The following ADGRL2 variants were observed in gnomAD, a reference collection of about 807,000 sequenced individuals.
ADGRL2 encodes the protein calcium-independent alpha-latrotoxin receptor 2.
A neutral mutation model predicts 157.4 loss-of-function variants in ADGRL2; 44 were observed. The ratio of observed to expected loss-of-function variants is 0.28; its 90% CI spans 0.22 to 0.36. The LOEUF (loss-of-function observed/expected upper bound fraction) is 0.36, where lower values mean the gene tolerates loss of function less well. Among genes scored for constraint, ADGRL2 ranks in the 10% least tolerant of loss-of-function variants. The probability of loss-of-function intolerance (pLI) is 1.00; values close to 1 mark genes in which losing one functional copy is unlikely to be tolerated. For synonymous variants in ADGRL2, 585 were observed against 624.7 expected, an observed-to-expected ratio of 0.94 and a Z score of 0.95; for missense variants, 1,510 against 1,768.9, an observed-to-expected ratio of 0.85 and a Z score of 2.63.
At chr1:81,891,768 C>T (rs999054658) in intron 2 of ADGRL2, among the ~76,000 whole-genome samples, 1 of 151,880 alleles carries the variant, frequency 6.6e-6, no homozygotes, top group African/African-American at 2.4e-5. Context: ...TGAGGTAGAT[C>T]GATTTATCTG....
chr1:81,913,505 C>T (rs905716911), intron 3 of ADGRL2, among the ~76,000 whole-genome samples: 36 of 152,072 alleles, frequency 2.4e-4, no homozygotes, highest in African/African-American at 7.2e-4. Flanking sequence ...ATTCTTGCCA[C>T]GAGGCAAGCC....
At chr1:81,911,330 TA>T (rs2094717183) in intron 3 of ADGRL2, among the ~76,000 whole-genome samples, 1 of 152,224 alleles carries the variant, frequency 6.6e-6, no homozygotes, top group East Asian at 1.9e-4. Context: ...GGGGGCAACT[TA>T]AAAATATATA....
intron 3 of ADGRL2, among the ~76,000 whole-genome samples, chr1:81,601,432 T>C (rs1360594599): frequency 6.6e-6 from 1 of 152,168 alleles, no homozygotes; most frequent in Non-Finnish European, 1.5e-5. Context: ...ATCTTATCAA[T>C]TTGGTGTATG....
intron 11 of ADGRL2, among the ~76,000 whole-genome samples, chr1:81,957,418 G>A (rs573703655): frequency 2.6e-5 from 4 of 152,168 alleles, no homozygotes; most frequent in East Asian, 1.9e-4. Context: ...ATTATTTTTC[G>A]CTGGGCACAG....
At chr1:81,871,737 T>G (rs1304941730) in intron 2 of ADGRL2, among the ~76,000 whole-genome samples, 44 of 152,222 alleles carry the variant, frequency 2.9e-4, no homozygotes, top group Admixed American at 2.9e-3. Context: ...TGTCTTCTTT[T>G]GAGAAGTGTC....
intron 6 of ADGRL2, among the ~76,000 whole-genome samples, chr1:81,948,121 G>A (rs907019797): frequency 1.7e-4 from 26 of 151,992 alleles, no homozygotes; most frequent in Admixed American, 1.3e-3. Context: ...GGAAGCTGAA[G>A]CAGGAGAATG....
intron 2 of ADGRL2, among the ~76,000 whole-genome samples, chr1:81,580,355 C>CG (rs752523964): frequency 6.6e-6 from 1 of 151,798 alleles, no homozygotes; most frequent in Non-Finnish European, 1.5e-5. Context: ...AACTGTGTCT[C>CG]GGGGGCTGCC....
intron 2 of ADGRL2, among the ~76,000 whole-genome samples, chr1:81,464,908 G>C (rs1191882924): frequency 7.0e-6 from 1 of 143,086 alleles, no homozygotes; most frequent in African/African-American, 2.6e-5. Context: ...GTAGTCTTCA[G>C]AGAATGACAA....
chr1:81,337,341 G>C (rs919808403), intron 1 of ADGRL2, among the ~76,000 whole-genome samples: 1 of 142,004 alleles, frequency 7.0e-6, no homozygotes, highest in Admixed American at 7.0e-5. Context: ...CAGGGGTTGT[G>C]GGTATCCCCC....
chr1:81,876,691 T>A (rs1222320036), intron 2 of ADGRL2, among the ~76,000 whole-genome samples: 15 of 152,150 alleles, frequency 9.9e-5, no homozygotes, highest in Non-Finnish European at 2.1e-4. Flanking sequence ...AGGGATCAGA[T>A]GCACAGTAGT....
At chr1:81,674,050 A>G (rs2082933287) in intron 3 of ADGRL2, among the ~76,000 whole-genome samples, 1 of 152,158 alleles carries the variant, frequency 6.6e-6, no homozygotes, top group Non-Finnish European at 1.5e-5. Context: ...AAAATTTAAC[A>G]CTTGAATGCA....
chr1:81,322,349 C>A (rs887515138), intron 1 of ADGRL2, among the ~76,000 whole-genome samples: 2 of 151,526 alleles, frequency 1.3e-5, no homozygotes, highest in Non-Finnish European at 2.9e-5. Flanking sequence ...TGAAACAAAC[C>A]TTAAAAAGAT....
intron 1 of ADGRL2, among the ~76,000 whole-genome samples, chr1:81,383,095 A>G (rs2076371130): frequency 6.6e-6 from 1 of 152,174 alleles, no homozygotes; most frequent in African/African-American, 2.4e-5. Flanking sequence ...GTTCTCATAC[A>G]CACATCGTGT....
chr1:81,542,232 G>A (rs892808176), intron 2 of ADGRL2, among the ~76,000 whole-genome samples: 1 of 152,168 alleles, frequency 6.6e-6, no homozygotes, highest in Admixed American at 6.5e-5. Flanking sequence ...GGATGGTAAC[G>A]TGTATATCTC....
intron 1 of ADGRL2, among the ~76,000 whole-genome samples, chr1:81,749,261 C>T (rs2085413039): frequency 6.6e-6 from 1 of 151,782 alleles, no homozygotes; most frequent in Admixed American, 6.6e-5. Context: ...CATATTTGGC[C>T]CAAACATATG....
intron 1 of ADGRL2, among the ~76,000 whole-genome samples, chr1:81,802,766 G>A (rs1173481724): frequency 6.6e-6 from 1 of 152,156 alleles, no homozygotes; most frequent in Non-Finnish European, 1.5e-5. Context: ...TGAGCGGCTG[G>A]AGCGAGTTCG....
chr1:81,548,459 A>C (rs1179036665), intron 2 of ADGRL2, among the ~76,000 whole-genome samples: 1 of 151,882 alleles, frequency 6.6e-6, no homozygotes, highest in Non-Finnish European at 1.5e-5. Context: ...ACTTGAAGCA[A>C]GTAGAATAGT....
chr1:81,571,414 T>C (rs1250220307), intron 2 of ADGRL2, among the ~76,000 whole-genome samples: 1 of 148,034 alleles, frequency 6.8e-6, no homozygotes, highest in Non-Finnish European at 1.5e-5. Context: ...TATGTATATA[T>C]GTATATATAT....
At chr1:81,306,890 C>G (rs1000227121) in intron 1 of ADGRL2, among the ~76,000 whole-genome samples, 2 of 138,994 alleles carry the variant, frequency 1.4e-5, no homozygotes, top group African/African-American at 5.2e-5. Context: ...TTTTTTTTAA[C>G]CTGGAGCCCT....
Sources: gnomAD v4.1 joint callset for allele counts (sites outside exome capture counted in the v4.1 genomes callset) on GRCh38, gnomAD v4.1.1 for gene constraint, MANE v1.5 for transcripts, NCBI Gene and HGNC (gene_info 2026-07-23, HGNC 2026-07-21) for gene names.